The following DPP6 variants were observed in gnomAD, a reference collection of about 807,000 sequenced individuals.
The protein encoded by DPP6 is A-type potassium channel modulatory protein DPP6.
In DPP6, 69 loss-of-function variants were observed where a neutral mutation model predicts 122.6. The ratio of observed to expected loss-of-function variants is 0.56; its 90% CI spans 0.46 to 0.69. DPP6 has a LOEUF of 0.69. Among genes scored for constraint, DPP6 ranks in the 30% least tolerant of loss-of-function variants. The pLI is 0.00. For synonymous variants in DPP6, 418 were observed against 433.1 expected, an observed-to-expected ratio of 0.97 and a Z score of 0.43; for missense variants, 928 against 1,116.9, an observed-to-expected ratio of 0.83 and a Z score of 2.41.
chr7:154,376,232 G>A (rs1020271888), intron 1 of DPP6, among the ~76,000 whole-genome samples: 3 of 152,210 alleles, frequency 2.0e-5, no homozygotes, highest in East Asian at 1.9e-4. Flanking sequence ...GTCATTAATA[G>A]CACCAACATG....
intron 16 of DPP6, among the ~76,000 whole-genome samples, chr7:154,846,149 AT>A (rs1337562319): frequency 6.6e-6 from 1 of 151,554 alleles, no homozygotes; most frequent in Non-Finnish European, 1.5e-5. Flanking sequence ...GGTAATATTT[AT>A]TTTTAATTTA....
At chr7:154,197,419 C>T (rs1370989316) in intron 1 of DPP6, among the ~76,000 whole-genome samples, 1 of 152,094 alleles carries the variant, frequency 6.6e-6, no homozygotes, top group Non-Finnish European at 1.5e-5. Context: ...TGATACCATA[C>T]GTCGATGCAG....
At chr7:154,026,939 A>C (rs1007208829) in intron 1 of DPP6, 4 of 148,636 alleles carry the variant, frequency 2.7e-5, no homozygotes, top group Non-Finnish European at 6.0e-5. Flanking sequence ...CAGAGTCCAC[A>C]TGAATGGAAA....
rs1815841735 is a variant in DPP6, at chr7:154,403,715, GTCCATTCA to G, written c.244-42498_244-42491del. Among the ~76,000 whole-genome samples the G allele has an allele frequency of 3.9e-5, 6 of 152,224 alleles. No individual in the cohort carries two copies. The highest frequency in any genetic ancestry group is 1.4e-4 in the African/African-American group (6 of 41,460). On this transcript the variant is annotated intron_variant, in intron 1 of 25. Transcript: ENST00000377770. The surrounding 1 kb of genome is among the most constrained non-coding windows in gnomAD (Gnocchi z 4.1). Reference sequence around the variant, plus strand: ...TGCAGGTTGCGTTCATGCCGTGACAGTCCATTCAGGGGTGCAGGAGCTGGTAGCTGAGT... The same window carrying G: ...TGCAGGTTGCGTTCATGCCGTGACAGGGGGTGCAGGAGCTGGTAGCTGAGT...
At chr7:154,245,348 T>C (rs888156563) in intron 1 of DPP6, among the ~76,000 whole-genome samples, 2 of 151,618 alleles carry the variant, frequency 1.3e-5, no homozygotes, top group Non-Finnish European at 2.9e-5. Flanking sequence ...AAAAAAGCTA[T>C]GGCTGGCCAG....
intron 1 of DPP6, among the ~76,000 whole-genome samples, chr7:154,435,101 T>A (rs1422523567): frequency 6.6e-6 from 1 of 152,208 alleles, no homozygotes; most frequent in Non-Finnish European, 1.5e-5. Flanking sequence ...CCTCCCAAAG[T>A]GCTGGAATTA....
At chr7:154,107,715 A>G (rs976168310) in intron 1 of DPP6, among the ~76,000 whole-genome samples, 7 of 152,166 alleles carry the variant, frequency 4.6e-5, no homozygotes, top group African/African-American at 1.7e-4. Context: ...AGTTTTAAAC[A>G]TTTTTTTTAA....
chr7:154,613,862 C>T (rs993631572), intron 5 of DPP6, among the ~76,000 whole-genome samples: 1 of 152,174 alleles, frequency 6.6e-6, no homozygotes, highest in Non-Finnish European at 1.5e-5. Context: ...ATGTCAAACA[C>T]AAGCCACAGC....
At chr7:153,838,318 A>G in the DPP6 span, among the ~76,000 whole-genome samples, 2 of 152,136 alleles carry the variant, frequency 1.3e-5, no homozygotes, top group Non-Finnish European at 2.9e-5. Context: ...TCTGCCAAAG[A>G]GAGACAATTT....
chr7:153,877,243 T>C, the DPP6 span, among the ~76,000 whole-genome samples: 1 of 152,186 alleles, frequency 6.6e-6, no homozygotes, highest in African/African-American at 2.4e-5. Context: ...CAATCACACT[T>C]ACCTTAAGAC....
At chr7:153,785,727 A>G in the DPP6 span, among the ~76,000 whole-genome samples, 2 of 151,858 alleles carry the variant, frequency 1.3e-5, no homozygotes, top group African/African-American at 2.4e-5. Flanking sequence ...AGGTCACTGT[A>G]CCTTTGAATC....
intron 1 of DPP6, among the ~76,000 whole-genome samples, chr7:153,991,832 C>T (rs1797191749): frequency 6.6e-6 from 1 of 152,072 alleles, no homozygotes; most frequent in South Asian, 2.1e-4. Flanking sequence ...CACAACTACT[C>T]TCCATCTTTA....
chr7:154,544,870 C>A (rs547219060), intron 4 of DPP6, among the ~76,000 whole-genome samples: 1 of 152,296 alleles, frequency 6.6e-6, no homozygotes, highest in South Asian at 2.1e-4. Context: ...AAGGAAGAGA[C>A]AGAGGATGAT....
chr7:154,034,085 C>A (rs1049371847), intron 1 of DPP6, among the ~76,000 whole-genome samples: 6 of 152,182 alleles, frequency 3.9e-5, no homozygotes, highest in Admixed American at 2.6e-4. Context: ...ACAGCTGTAT[C>A]AATTTATGGC....
At chr7:153,856,095 G>A in the DPP6 span, among the ~76,000 whole-genome samples, 1 of 152,144 alleles carries the variant, frequency 6.6e-6, no homozygotes, top group Non-Finnish European at 1.5e-5. Flanking sequence ...AGAACTATCA[G>A]GCAGGTCAGA....
At chr7:154,304,553 A>G (rs1806127236) in intron 1 of DPP6, among the ~76,000 whole-genome samples, 1 of 149,482 alleles carries the variant, frequency 6.7e-6, no homozygotes. Flanking sequence ...AGGTCATCAC[A>G]CAGGCTGGAA....
At chr7:154,272,490 A>T (rs187783017) in intron 1 of DPP6, among the ~76,000 whole-genome samples, 212 of 152,314 alleles carry the variant, frequency 1.4e-3, no homozygotes, top group African/African-American at 4.9e-3. Flanking sequence ...TGCTACTAAA[A>T]TTTCACCTAA....
At chr7:154,503,700 G>C (rs562972924) in intron 3 of DPP6, among the ~76,000 whole-genome samples, 2 of 152,150 alleles carry the variant, frequency 1.3e-5, no homozygotes, top group Admixed American at 6.5e-5. Context: ...TTTGTGTAAA[G>C]GTTCCACAGA....
rs576141151 is a variant in DPP6 at position 154,481,130 on chromosome 7, A to G, written c.457+6093A>G. 2.6e-5 allele frequency among the ~76,000 whole-genome samples: 4 copies of G among 152,140 alleles called. No homozygotes were observed. The highest frequency in any genetic ancestry group is 6.5e-5 in the Admixed American group (1 of 15,288). On this transcript the variant is annotated intron_variant, in intron 3 of 25. Coordinates refer to ENST00000377770, the MANE Select transcript of DPP6 (RefSeq NM_130797.4). The surrounding 1 kb of genome is among the most constrained non-coding windows in gnomAD (Gnocchi z 4.2). ...GCACCTCAGGTACTAGCTCAGGTGC[A>G]AGGAGAAGGGGATGCTTGGGTGACT...
Sources: allele counts gnomAD v4.1 joint callset (sites outside exome capture counted in the v4.1 genomes callset), GRCh38; gene constraint gnomAD v4.1.1; non-coding constraint Gnocchi (gnomAD v3.1); transcripts MANE v1.5; gene names NCBI Gene and HGNC (gene_info 2026-07-23, HGNC 2026-07-21).